Variants in PCDH15 observed in about 807,000 individuals in gnomAD.
PCDH15 encodes protocadherin related 15.
A neutral mutation model predicts 178.5 loss-of-function variants in PCDH15; 129 were observed. The ratio of observed to expected loss-of-function variants is 0.72; its 90% CI spans 0.63 to 0.84. The LOEUF (loss-of-function observed/expected upper bound fraction) is 0.84. Ranked by LOEUF, PCDH15 falls within the 40% of genes least tolerant of loss-of-function variation. The pLI, the probability that PCDH15 is intolerant of heterozygous loss-of-function variation, is 0.00. For synonymous variants in PCDH15, 800 were observed against 732.0 expected, an observed-to-expected ratio of 1.09 and a Z score of -1.50; for missense variants, 2,230 against 2,099.9, an observed-to-expected ratio of 1.06 and a Z score of -1.21.
chr10:55,233,816 A>G (rs1841297726), intron 1 of PCDH15, among the ~76,000 whole-genome samples: 1 of 152,146 alleles, frequency 6.6e-6, no homozygotes. Context: ...TATGAGAAAC[A>G]ATATACTATA....
At chr10:54,421,053 C>G (rs1286826020) in intron 3 of PCDH15, among the ~76,000 whole-genome samples, 1 of 152,010 alleles carries the variant, frequency 6.6e-6, no homozygotes, top group Non-Finnish European at 1.5e-5. Context: ...CTATAGCTTT[C>G]TACCATTTTC....
rs368409880 is a variant in PCDH15 at position 55,019,337 on chromosome 10, T to TTTTG, written c.-79-121841_-79-121838dup. Among the ~76,000 whole-genome samples, 961 of 152,236 alleles carry TTTTG rather than the reference T, an allele frequency of 6.3e-3. 8 individuals carry two copies. Among genetic ancestry groups the TTTTG allele is most frequent in the African/African-American group, 0.022 (915 of 41,548 alleles). ...TAATACAACATTTGAACTCATGTGT[T>TTTTG]TTTGTTTGTTTGTTTGTTTGTTTTT... On this transcript the variant is annotated intron_variant, in intron 2 of 5. Coordinates refer to the PCDH15 transcript ENST00000458638.
At chr10:54,679,421 CA>C (rs2094859509) in intron 1 of PCDH15, among the ~76,000 whole-genome samples, 1 of 152,094 alleles carries the variant, frequency 6.6e-6, no homozygotes, top group Non-Finnish European at 1.5e-5. Flanking sequence ...AAATACTGTT[CA>C]CAGAAATTAG....
intron 2 of PCDH15, among the ~76,000 whole-genome samples, chr10:55,341,780 T>A (rs1314416137): frequency 9.9e-5 from 1 of 10,056 alleles, no homozygotes; most frequent in East Asian, 1.2e-3. Flanking sequence ...TATATATATA[T>A]ATATATATAT....
At chr10:55,511,054 T>TG (rs1240668947) in intron 2 of PCDH15, among the ~76,000 whole-genome samples, 5,276 of 150,662 alleles carry the variant, frequency 0.035, 279 homozygotes, top group African/African-American at 0.11. Flanking sequence ...TTTGTTTGTT[T>TG]TTTTTTTTAG....
chr10:55,450,022 G>C (rs1839399180), intron 2 of PCDH15, among the ~76,000 whole-genome samples: 1 of 151,732 alleles, frequency 6.6e-6, no homozygotes. Flanking sequence ...ATTAAAACAT[G>C]GCTTAAAGCA....
intron 25 of PCDH15, among the ~76,000 whole-genome samples, chr10:53,938,311 A>T (rs894713662): frequency 2.0e-5 from 3 of 152,126 alleles, no homozygotes; most frequent in Non-Finnish European, 4.4e-5. Flanking sequence ...AGTAATTCTC[A>T]TTTCATAGAT....
intron 2 of PCDH15, among the ~76,000 whole-genome samples, chr10:54,958,750 CAGAGA>C (rs1476805584): frequency 6.6e-6 from 1 of 151,128 alleles, no homozygotes; most frequent in African/African-American, 2.4e-5. Flanking sequence ...TGAAATGAAA[CAGAGA>C]AAAGGATAGT....
At chr10:54,552,623 T>C (rs773494396) in intron 2 of PCDH15, among the ~76,000 whole-genome samples, 8 of 152,146 alleles carry the variant, frequency 5.3e-5, no homozygotes, top group African/African-American at 1.4e-4. Context: ...ATGTATAATA[T>C]GCAAGTCTAC....
At chr10:55,306,909 C>T (rs78454474) in intron 1 of PCDH15, among the ~76,000 whole-genome samples, 3 of 151,956 alleles carry the variant, frequency 2.0e-5, no homozygotes, top group East Asian at 1.9e-4. Flanking sequence ...TTCTTGAAGA[C>T]GTGGGAAAAG....
At chr10:55,244,233 TGG>T in intron 1 of PCDH15, among the ~76,000 whole-genome samples, 1 of 152,076 alleles carries the variant, frequency 6.6e-6, no homozygotes, top group African/African-American at 2.4e-5. Flanking sequence ...TGCACTACAG[TGG>T]AATTTTTGTC....
chr10:54,538,961 T>G (rs924216918), intron 2 of PCDH15, among the ~76,000 whole-genome samples: 26 of 152,222 alleles, frequency 1.7e-4, no homozygotes, highest in African/African-American at 5.5e-4. Context: ...CTGTGTAAAA[T>G]GGCATTGAAA....
intron 28 of PCDH15, among the ~76,000 whole-genome samples, chr10:53,854,980 G>A (rs2078627577): frequency 6.6e-6 from 1 of 151,914 alleles, no homozygotes; most frequent in Non-Finnish European, 1.5e-5. Context: ...TACTTAAGAA[G>A]CATTAAAATC....
chr10:55,373,667 T>A (rs72805816), intron 2 of PCDH15, among the ~76,000 whole-genome samples: 1 of 152,154 alleles, frequency 6.6e-6, no homozygotes, highest in Non-Finnish European at 1.5e-5. Flanking sequence ...TAGGGAGTGA[T>A]GCTGTTAGGA....
intron 2 of PCDH15, among the ~76,000 whole-genome samples, chr10:54,993,179 G>A (rs181723600): frequency 1.3e-5 from 2 of 152,114 alleles, no homozygotes; most frequent in Non-Finnish European, 2.9e-5. Flanking sequence ...TATGGGGGTC[G>A]ATGAGGGAAA....
At chr10:55,433,821 G>A (rs1434100692) in intron 2 of PCDH15, among the ~76,000 whole-genome samples, 1 of 151,870 alleles carries the variant, frequency 6.6e-6, no homozygotes, top group Non-Finnish European at 1.5e-5. Context: ...GTGTAAGGCA[G>A]GGATACTTGT....
intron 1 of PCDH15, among the ~76,000 whole-genome samples, chr10:55,248,193 T>C (rs1017340336): frequency 2.0e-5 from 3 of 151,590 alleles, no homozygotes; most frequent in Non-Finnish European, 2.9e-5. Context: ...CTCAAATACA[T>C]ACACATATAT....
At chr10:54,885,627 A>C (rs1277968764) in intron 3 of PCDH15, among the ~76,000 whole-genome samples, 1 of 152,100 alleles carries the variant, frequency 6.6e-6, no homozygotes, top group Non-Finnish European at 1.5e-5. Flanking sequence ...AAATAACATA[A>C]TTTTAAGATG....
At chr10:55,315,800 G>A (rs748471642) in intron 1 of PCDH15, among the ~76,000 whole-genome samples, 1 of 151,994 alleles carries the variant, frequency 6.6e-6, no homozygotes, top group African/African-American at 2.4e-5. Context: ...GGCAGATCAC[G>A]AGGTCAGAAG....
Sources: allele counts gnomAD v4.1 joint callset (sites outside exome capture counted in the v4.1 genomes callset), GRCh38; gene constraint gnomAD v4.1.1; transcripts MANE v1.5; gene names NCBI Gene and HGNC (gene_info 2026-07-23, HGNC 2026-07-21).